Variants in CROCC2 observed in about 807,000 individuals in gnomAD.
CROCC2 encodes ciliary rootlet coiled-coil protein 2.
In CROCC2, 163 loss-of-function variants were observed where a neutral mutation model predicts 177.6. The observed-to-expected ratio is 0.92, with a 90% CI of 0.81 to 1.05. CROCC2 has a LOEUF of 1.05. CROCC2 is among the 50% of genes least tolerant of loss of function. CROCC2 has a pLI of 0.00. For missense variants in CROCC2, 1,929 were observed against 1,797.8 expected (o/e 1.07, Z -1.32); for synonymous variants, 904 against 787.3 (o/e 1.15, Z -2.48).
rs774947687 is a variant in CROCC2, at chr2:240,983,625, T to C, written c.4551+596T>C. 9 of 1,284,568 alleles carry C rather than the reference T, an allele frequency of 7.0e-6. No individual in the cohort carries two copies. The African/African-American group carries it at 1.2e-4, about 18-fold the overall frequency. 79.6% of individuals were successfully genotyped at this position (1,284,568 alleles called of 1,614,324 possible). On this transcript the variant is annotated intron_variant, in intron 28 of 31. Coordinates refer to ENST00000690015, the MANE Select transcript of CROCC2 (RefSeq NM_001351305.2). ...TAGAGAGGAAGGAGGAGCTCCTGGCTGGGGTCCGCAGGGGCGCGGCTGGGA... is the reference window on the plus strand; with the variant it reads ...TAGAGAGGAAGGAGGAGCTCCTGGCCGGGGTCCGCAGGGGCGCGGCTGGGA...
At chr2:240,914,493 G>A (rs73006034) in intron 1 of CROCC2, among the ~76,000 whole-genome samples, 29,864 of 152,226 alleles carry the variant, frequency 0.2, 3,405 homozygotes, top group Middle Eastern at 0.35. Context: ...CCCAGCCTCC[G>A]TTCTACAAGA....
chr2:240,978,309 A>G (rs1227689272), intron 27 of CROCC2, among the ~76,000 whole-genome samples: 1 of 49,820 alleles, frequency 2.0e-5, no homozygotes, highest in East Asian at 2.3e-3. Context: ...ACCCCTCCTC[A>G]GTCTCTGGGG....
At chr2:240,930,880 C>A in intron 6 of CROCC2, 51 bp from the exon 7 acceptor site, 1 of 655,382 alleles carries the variant, frequency 1.5e-6, no homozygotes, top group Non-Finnish European at 2.8e-6. Context: ...CCAGGCCCTC[C>A]CTCTGCAGAT....
intron 27 of CROCC2, chr2:240,981,594 T>C (rs931604400): frequency 6.6e-6 from 1 of 152,174 alleles, no homozygotes; most frequent in South Asian, 2.1e-4. Context: ...TGCCATGAAA[T>C]ATTTAAGCCA....
In CROCC2 at chr2:240,917,658, G is replaced by A. The variant is rs779083711; in HGVS notation, c.79-1068G>A. On this transcript the variant is annotated intron_variant, in intron 1 of 31. Coordinates refer to ENST00000690015, the MANE Select transcript of CROCC2 (RefSeq NM_001351305.2). This position sits in a 1 kb window ranked among gnomAD's most constrained non-coding sequence, Gnocchi z 4.9. ...AAGGAGGACTTGGGTGGACTCTGGC[G>A]TGCCATGCTGGAGAGCCCTAGGAGT... is the stretch of plus-strand genomic sequence containing the variant. 6.6e-6 allele frequency among the ~76,000 whole-genome samples: 1 copy of A among 152,144 alleles called. No homozygotes were observed. Among genetic ancestry groups the A allele is most frequent in the Non-Finnish European group, 1.5e-5 (1 of 67,990 alleles).
At chr2:240,941,396 A>T (rs1000726154) in intron 14 of CROCC2, among the ~76,000 whole-genome samples, 1 of 152,232 alleles carries the variant, frequency 6.6e-6, no homozygotes, top group Non-Finnish European at 1.5e-5. Context: ...CAAAAAGCAA[A>T]TCTGGAGGCA....
At chr2:240,976,184 A>T (rs1010287198) in intron 27 of CROCC2, among the ~76,000 whole-genome samples, 8 of 149,186 alleles carry the variant, frequency 5.4e-5, no homozygotes, top group Admixed American at 4.7e-4. Flanking sequence ...GCCCAGGCTC[A>T]TCCCTGCTCA....
rs2059724860 is a variant in CROCC2 at position 240,972,083 on chromosome 2, A to C, written c.4401+3821A>C. 6.6e-6 allele frequency among the ~76,000 whole-genome samples: 1 copy of C among 152,092 alleles called. No individual in the cohort carries two copies. Among genetic ancestry groups the C allele is most frequent in the African/African-American group, 2.4e-5 (1 of 41,410 alleles). ...CTCTCAGATCTGATTCCTCAGATCG[A>C]CTTTATTTTCTCAAACCCCAGTGGA... On this transcript the variant is annotated intron_variant, in intron 27 of 31. Coordinates refer to ENST00000690015, the MANE Select transcript of CROCC2 (RefSeq NM_001351305.2). This position sits in a 1 kb window ranked among gnomAD's most constrained non-coding sequence, Gnocchi z 7.1.
At position 240,931,859 on chromosome 2, in the gene CROCC2, G is replaced by A. The variant is rs1236515365; in HGVS notation, c.948-459G>A. On this transcript the variant is annotated intron_variant, in intron 7 of 31. Transcript: ENST00000690015. ...GGGGGCCCAACGGTGCCATACAGCT[G>A]CAGGGGCAGCACACCAGGGCCTGAG... 3.3e-5 allele frequency among the ~76,000 whole-genome samples: 5 copies of A among 152,256 alleles called. No homozygotes were observed. The East Asian group carries it at 9.6e-4, about 29-fold the overall frequency.
intron 4 of CROCC2, among the ~76,000 whole-genome samples, chr2:240,924,997 C>A (rs1425151666): frequency 7.9e-6 from 1 of 126,798 alleles, no homozygotes; most frequent in Admixed American, 8.5e-5. Context: ...CACACTGACC[C>A]GGCCCCCCAC....
intron 3 of CROCC2, 115 bp downstream of exon 3, chr2:240,920,249 C>T (rs933831889): frequency 1.5e-5 from 9 of 582,604 alleles, no homozygotes; most frequent in Non-Finnish European, 2.1e-5. Flanking sequence ...TTCTAAGACT[C>T]GGAAAGACAG....
At chr2:240,964,267 G>A (rs2059661700) in intron 21 of CROCC2, 199 bp from the exon 22 acceptor site, 1 of 629,118 alleles carries the variant, frequency 1.6e-6, no homozygotes, top group Non-Finnish European at 2.8e-6. Context: ...AGTGGACAGG[G>A]GCCATGCGGC....
chr2:240,976,256 C>T (rs1338486736), intron 27 of CROCC2, among the ~76,000 whole-genome samples: 1 of 97,978 alleles, frequency 1.0e-5, no homozygotes, highest in Non-Finnish European at 2.2e-5. Context: ...GGGGTAGGAG[C>T]CTCAGGATCC....
chr2:240,991,144 G>A, intron 30 of CROCC2, 52 bp from the exon 31 acceptor site: 3 of 1,404,204 alleles, frequency 2.1e-6, no homozygotes, highest in East Asian at 2.6e-5. Flanking sequence ...ATGCCCTGGG[G>A]CCCTGGCCGT....
intron 30 of CROCC2, among the ~76,000 whole-genome samples, chr2:240,990,639 G>A (rs1476612458): frequency 6.6e-6 from 1 of 152,220 alleles, no homozygotes; most frequent in Non-Finnish European, 1.5e-5. Flanking sequence ...TTGGTGTGCA[G>A]TGGCGCGATC....
intron 20 of CROCC2, among the ~76,000 whole-genome samples, chr2:240,959,981 G>A (rs370807937): frequency 9.9e-5 from 15 of 152,260 alleles, no homozygotes; most frequent in African/African-American, 3.6e-4. Flanking sequence ...GTGAAAGGGT[G>A]GCCAGAGCCA....
At chr2:240,975,230 C>G (rs2059751966) in intron 27 of CROCC2, among the ~76,000 whole-genome samples, 1 of 152,236 alleles carries the variant, frequency 6.6e-6, no homozygotes, top group Non-Finnish European at 1.5e-5. Context: ...AGAATAGATG[C>G]AGAGGCAGCA....
At chr2:240,916,550 TCCCCGCGCC>T (rs951184680) in intron 1 of CROCC2, among the ~76,000 whole-genome samples, 3 of 102,806 alleles carry the variant, frequency 2.9e-5, no homozygotes, top group Non-Finnish European at 6.0e-5. Flanking sequence ...CCCCCCGCGC[TCCCCGCGCC>T]CCCCTCCGGC....
At chr2:240,919,034 G>A (rs1276135086) in intron 2 of CROCC2, among the ~76,000 whole-genome samples, 158 bp downstream of exon 2, 1 of 35,106 alleles carries the variant, frequency 2.8e-5, no homozygotes, top group Non-Finnish European at 6.9e-5. Flanking sequence ...CTGGGCCCGG[G>A]GCTGGGCAAG....
Sources: allele counts gnomAD v4.1 joint callset (sites outside exome capture counted in the v4.1 genomes callset), GRCh38; gene constraint gnomAD v4.1.1; non-coding constraint Gnocchi (gnomAD v3.1); transcripts MANE v1.5; gene names NCBI Gene and HGNC (gene_info 2026-07-23, HGNC 2026-07-21).